TSPO2: variants seen among roughly 807,000 people sequenced by gnomAD.
TSPO2 encodes the protein translocator protein 2.
TSPO2 carries 15 observed loss-of-function variants against 13.3 expected under a neutral mutation model. The observed-to-expected ratio is 1.13, with a 90% CI of 0.75 to 1.73. The LOEUF (loss-of-function observed/expected upper bound fraction) is 1.73, where lower values mean the gene tolerates loss of function less well. Ranked by LOEUF, TSPO2 falls within the 40% of genes most tolerant of loss-of-function variation. TSPO2 has a pLI of 0.00. For missense variants in TSPO2, 202 were observed against 198.3 expected, an observed-to-expected ratio of 1.02 and a Z score of -0.11; for synonymous variants, 81 against 91.6, an observed-to-expected ratio of 0.88 and a Z score of 0.66.
At position 41,043,590 on chromosome 6, in the gene TSPO2, AG is replaced by A; in HGVS notation, c.212del (p.Gly71AlafsTer48). 1.2e-6 allele frequency: 2 copies of A among 1,610,060 alleles called. No individual in the cohort carries two copies. Among genetic ancestry groups the A allele is most frequent in the Non-Finnish European group, 1.7e-6 (2 of 1,177,886 alleles). On this transcript the variant is annotated frameshift_variant, in exon 3 of 4. Transcript: ENST00000373161. LOFTEE classifies it high-confidence loss of function. ...ASYLVWKDLG[G>X]GLGWPLALPL... Reference sequence around the variant, plus strand: ...CCTACCTGGTGTGGAAGGACCTGGGAGGGGGCTTGGGGTGGCCCCTGGCCCT... The same window carrying A: ...CCTACCTGGTGTGGAAGGACCTGGGAGGGGCTTGGGGTGGCCCCTGGCCCT...
rs1405213549 is a variant in TSPO2, at chr6:41,042,510, T to C, written c.-289T>C. The C allele has an allele frequency of 2.9e-6, 1 of 345,368 alleles. No individual in the cohort carries two copies. Among genetic ancestry groups the C allele is most frequent in the Non-Finnish European group, 5.7e-6 (1 of 174,444 alleles). 21.4% of individuals were successfully genotyped at this position (345,368 alleles called of 1,614,324 possible). ...GTGACTAGAAAAGAGTCCCCAGGAATTTCTGGCTCCTGCCTTCAGATTGTG... is the reference window on the plus strand; with the variant it reads ...GTGACTAGAAAAGAGTCCCCAGGAACTTCTGGCTCCTGCCTTCAGATTGTG... On this transcript the variant is annotated 5_prime_UTR_variant, in exon 1 of 4. Coordinates refer to ENST00000373161, the MANE Select transcript of TSPO2 (RefSeq NM_001010873.3).
rs1581983676 is a variant in TSPO2, at chr6:41,044,132, G to T, written c.508G>T (p.Asp170Tyr). 6.2e-7 allele frequency: 1 copy of T among 1,614,138 alleles called. No homozygotes were observed. The highest frequency in any genetic ancestry group is 8.5e-7 in the Non-Finnish European group (1 of 1,180,028). ...VHQPQPTEKS[D>Y] ...CCAGCCTCAGCCCACGGAGAAGAGT[G>T]ACTGAGGCCCTAGGGCATGGGAGAG... is the stretch of plus-strand genomic sequence containing the variant. Residue 170 changes from aspartate to tyrosine, a missense_variant, in exon 4 of 4, where the codon GAC (aspartate) becomes TAC (tyrosine). Physicochemically the swap from Asp to Tyr is radical, Grantham distance 160 (BLOSUM62 -3). Transcript: ENST00000373161.
upstream of TSPO2, among the ~76,000 whole-genome samples, chr6:41,042,306 G>A (rs756678028): frequency 9.2e-5 from 14 of 152,202 alleles, no homozygotes; most frequent in Non-Finnish European, 1.8e-4. Context: ...GAAAGATGGA[G>A]CAGGAAGCTC....
At chr6:41,041,901 GGAGGCA>G (rs1367683306), upstream of TSPO2, among the ~76,000 whole-genome samples, 1 of 152,074 alleles carries the variant, frequency 6.6e-6, no homozygotes, top group Non-Finnish European at 1.5e-5. Context: ...CTTGAACTAG[GGAGGCA>G]GAGGTTGCAG....
At position 41,044,200 on chromosome 6, in the gene TSPO2, T is replaced by A; in HGVS notation, c.*63T>A. 6.3e-7 allele frequency: 1 copy of A among 1,578,848 alleles called. No homozygotes were observed. The highest frequency in any genetic ancestry group is 8.7e-7 in the Non-Finnish European group (1 of 1,152,684). ...GGGAGGAAGAGTCTGCAAGCAGGGC[T>A]GTGGAGTTAGGGTTCACCCCAATGG... On this transcript the variant is annotated 3_prime_UTR_variant, in exon 4 of 4. Coordinates refer to ENST00000373161, the MANE Select transcript of TSPO2 (RefSeq NM_001010873.3).
At position 41,042,787 on chromosome 6, in the gene TSPO2, TG is replaced by T; in HGVS notation, c.-21+13del. Reference sequence around the variant, plus strand: ...GCCAGGAGATGGGCAAGGTGTGGCCTGGGGTTGGAGAGAGCTCAGAGGTACA... The same window carrying T: ...GCCAGGAGATGGGCAAGGTGTGGCCTGGGTTGGAGAGAGCTCAGAGGTACA... On this transcript the variant is annotated intron_variant, in intron 1 of 3. Coordinates refer to ENST00000373161, the MANE Select transcript of TSPO2 (RefSeq NM_001010873.3). The T allele has an allele frequency of 1.4e-6, 1 of 708,056 alleles. No homozygotes were observed. The highest frequency in any genetic ancestry group is 2.6e-6 in the Non-Finnish European group (1 of 391,008). 43.9% of individuals were successfully genotyped at this position (708,056 alleles called of 1,614,324 possible). A position where few individuals can be genotyped will look rare whatever the true frequency, so the allele number is the denominator to read the frequency against.
In TSPO2 at chr6:41,043,920, C is replaced by T. The variant is rs745891055; in HGVS notation, c.316-20C>T. The T allele has an allele frequency of 6.2e-7, 1 of 1,603,466 alleles. No individual in the cohort carries two copies. The highest frequency in any genetic ancestry group is 8.5e-7 in the Non-Finnish European group (1 of 1,177,402). On this transcript the variant is annotated intron_variant, in intron 3 of 3. Coordinates refer to ENST00000373161, the MANE Select transcript of TSPO2 (RefSeq NM_001010873.3). ...TGCTGGTTCTCGGGCAGCCAGCTGA[C>T]CCCCGGCCTCTATGCCCAGGCCCTG...
intron 3 of TSPO2, 37 bp downstream of exon 3, chr6:41,043,735 G>C (rs1762630336): frequency 6.4e-7 from 1 of 1,571,012 alleles, no homozygotes; most frequent in African/African-American, 1.4e-5. Flanking sequence ...AAGTAATGTG[G>C]GAGAGGGTGA....
chr6:41,043,046 C>A lies in TSPO2; in HGVS notation c.61C>A (p.Leu21Met). Residue 21 changes from leucine to methionine, a missense_variant, in exon 2 of 4, where the codon CTG (leucine) becomes ATG (methionine). Physicochemically the swap from Leu to Met is conservative, Grantham distance 15 (BLOSUM62 2). Transcript: ENST00000373161. The stretch of plus-strand genomic sequence containing the variant: ...CCACCTGGGGCCCATCCTGGTCTGG[C>A]TGTTCACTCGTGATCACATGTCTGG... ...LPHLGPILVW[L>M]FTRDHMSGWC... 6.2e-7 allele frequency: 1 copy of A among 1,614,194 alleles called. No homozygotes were observed. Among genetic ancestry groups the A allele is most frequent in the Non-Finnish European group, 8.5e-7 (1 of 1,180,038 alleles).
chr6:41,042,565 T>C lies in TSPO2; in HGVS notation c.-234T>C. The C allele has an allele frequency of 2.6e-6, 1 of 379,976 alleles. No homozygotes were observed. Among genetic ancestry groups the C allele is most frequent in the Non-Finnish European group, 5.2e-6 (1 of 191,570 alleles). The allele number at this position is 379,976 out of a possible 1,614,324, so 23.5% of individuals were successfully genotyped here. On this transcript the variant is annotated 5_prime_UTR_variant, in exon 1 of 4. Coordinates refer to ENST00000373161, the MANE Select transcript of TSPO2 (RefSeq NM_001010873.3). ...TTCCAGGTTGGTAGATCAGCTTAGG[T>C]AGAACAGTTCTCGGTGAGGGCCAGC...
rs750720417 is a variant in TSPO2 at position 41,043,057 on chromosome 6, T to C, written c.72T>C (p.Arg24=). The change falls in exon 2 of 4, where the codon CGT becomes CGC. Residue 24 remains arginine, a synonymous_variant. Transcript: ENST00000373161. ...LGPILVWLFT[R]DHMSGWCEGP... is the part of the protein sequence containing the mutation. ...CCATCCTGGTCTGGCTGTTCACTCG[T>C]GATCACATGTCTGGTTGGTGTGAGG... The C allele has an allele frequency of 1.2e-6, 2 of 1,614,200 alleles. No homozygotes were observed. Among genetic ancestry groups the C allele is most frequent in the South Asian group, 2.2e-5 (2 of 91,084 alleles).
chr6:41,044,218 C>T lies in TSPO2; in HGVS notation c.*81C>T. The stretch of plus-strand genomic sequence containing the variant: ...GCAGGGCTGTGGAGTTAGGGTTCAC[C>T]CCAATGGGACCACCCTCCTGGGTCC... On this transcript the variant is annotated 3_prime_UTR_variant, in exon 4 of 4. Coordinates refer to ENST00000373161, the MANE Select transcript of TSPO2 (RefSeq NM_001010873.3). The T allele has an allele frequency of 6.9e-7, 1 of 1,445,154 alleles. No homozygotes were observed. The highest frequency in any genetic ancestry group is 1.4e-5 in the African/African-American group (1 of 71,686). The allele number at this position is 1,445,154 out of a possible 1,614,324, so 89.5% of individuals were successfully genotyped here. A position where few individuals can be genotyped will look rare whatever the true frequency, so the allele number is the denominator to read the frequency against.
chr6:41,043,448 C>T (rs2114017326), intron 2 of TSPO2, 109 bp from the exon 3 acceptor site: 3 of 1,394,444 alleles, frequency 2.2e-6, no homozygotes, highest in Non-Finnish European at 2.9e-6. Flanking sequence ...AACCCATCTG[C>T]CCCCATTTCA....
In TSPO2 at chr6:41,044,045, T is replaced by C. The variant is rs1430303579; in HGVS notation, c.421T>C (p.Trp141Arg). The change falls in exon 4 of 4, where the codon TGG becomes CGG. Residue 141 changes from tryptophan (W) to arginine (R), a missense_variant. Transcript: ENST00000373161. The stretch of plus-strand genomic sequence containing the variant: ...CCTGTTACTGCTGCCCTACCTAGCC[T>C]GGCTCACCGTGACTTCAGCCCTCAC... Reference protein sequence around the residue: ...AALLLLPYLAWLTVTSALTYH... With the variant: ...AALLLLPYLARLTVTSALTYH... 6.2e-7 allele frequency: 1 copy of C among 1,614,064 alleles called. No individual in the cohort carries two copies. Among genetic ancestry groups the C allele is most frequent in the Non-Finnish European group, 8.5e-7 (1 of 1,180,028 alleles).
rs1762639601 is a variant in TSPO2 at position 41,044,087 on chromosome 6, G to A, written c.463G>A (p.Asp155Asn). ...TSALTYHLWR[D>N]SLCPVHQPQP... The stretch of plus-strand genomic sequence containing the variant: ...AGCCCTCACCTACCACCTGTGGAGG[G>A]ACAGCCTTTGTCCAGTGCACCAGCC... Residue 155 changes from aspartate to asparagine, a missense_variant, in exon 4 of 4, where the codon GAC (aspartate) becomes AAC (asparagine). Asp to Asn is a conservative substitution (Grantham distance 23, BLOSUM62 1). Coordinates refer to ENST00000373161, the MANE Select transcript of TSPO2 (RefSeq NM_001010873.3). 3 of 1,614,170 alleles carry A rather than the reference G, an allele frequency of 1.9e-6. No individual in the cohort carries two copies. The highest frequency in any genetic ancestry group is 2.5e-6 in the Non-Finnish European group (3 of 1,180,028).
chr6:41,044,215 C>T lies in TSPO2; in HGVS notation c.*78C>T, dbSNP rs56137359. On this transcript the variant is annotated 3_prime_UTR_variant, in exon 4 of 4. Transcript: ENST00000373161. ...CAAGCAGGGCTGTGGAGTTAGGGTTCACCCCAATGGGACCACCCTCCTGGG... is the reference window on the plus strand; with the variant it reads ...CAAGCAGGGCTGTGGAGTTAGGGTTTACCCCAATGGGACCACCCTCCTGGG... The T allele has an allele frequency of 5.6e-4, 847 of 1,501,004 alleles. 1 individual carries two copies. Among genetic ancestry groups the T allele is most frequent in the Non-Finnish European group, 7.1e-4 (776 of 1,088,050 alleles). 93.0% of individuals were successfully genotyped at this position (1,501,004 alleles called of 1,614,324 possible).
chr6:41,044,198 G>T lies in TSPO2; in HGVS notation c.*61G>T. On this transcript the variant is annotated 3_prime_UTR_variant, in exon 4 of 4. Transcript: ENST00000373161. The stretch of plus-strand genomic sequence containing the variant: ...TGGGGAGGAAGAGTCTGCAAGCAGG[G>T]CTGTGGAGTTAGGGTTCACCCCAAT... 3.8e-6 allele frequency: 6 copies of T among 1,582,870 alleles called. No individual in the cohort carries two copies. Among genetic ancestry groups the T allele is most frequent in the Non-Finnish European group, 5.2e-6 (6 of 1,155,814 alleles).
At chr6:41,042,268 G>A (rs751118425), upstream of TSPO2, among the ~76,000 whole-genome samples, 2 of 152,206 alleles carry the variant, frequency 1.3e-5, no homozygotes, top group Non-Finnish European at 2.9e-5. Context: ...CTGGATGCTT[G>A]TGCTTACATC....
upstream of TSPO2, chr6:41,042,410 C>T (rs543980788): frequency 1.2e-3 from 277 of 236,786 alleles, 2 homozygotes; most frequent in African/African-American, 5.5e-3. Flanking sequence ...GGCAGGAGAT[C>T]AGCCTGGGTG....
Sources: gnomAD v4.1 joint callset for allele counts (sites outside exome capture counted in the v4.1 genomes callset) on GRCh38, gnomAD v4.1.1 for gene constraint, MANE v1.5 for transcripts, NCBI Gene and HGNC (gene_info 2026-07-23, HGNC 2026-07-21) for gene names.